DNER: variants seen among roughly 807,000 people sequenced by gnomAD.
DNER encodes delta and Notch-like epidermal growth factor-related receptor.
In DNER, 33 loss-of-function variants were observed where a neutral mutation model predicts 78.2. The ratio of observed to expected loss-of-function variants is 0.42; its 90% confidence interval spans 0.32 to 0.56. The LOEUF (loss-of-function observed/expected upper bound fraction) is 0.56. DNER is among the 20% of genes least tolerant of loss of function. The pLI is 0.11. For synonymous variants in DNER, 417 were observed against 384.8 expected (o/e 1.08, Z -0.98); for missense variants, 918 against 975.3 (o/e 0.94, Z 0.78).
At chr2:229,586,617 G>C in intron 3 of DNER, 1 of 974,450 alleles carries the variant, frequency 1.0e-6, no homozygotes, top group Non-Finnish European at 1.2e-6. Flanking sequence ...CCCAACCCCA[G>C]CTGCCCTCCT....
At chr2:229,504,730 C>T (rs1559151040) in intron 6 of DNER, among the ~76,000 whole-genome samples, 1 of 152,190 alleles carries the variant, frequency 6.6e-6, no homozygotes, top group African/African-American at 2.4e-5. Context: ...TTACTCAGCA[C>T]ACCACATAGT....
rs186442431 is a variant in DNER, at chr2:229,610,362, T to C, written c.277-18474A>G. ...GTTTCCTGGAAAGTAGTAAGTTCAC[T>C]TAGAAGAATGTTATTCAGAAAGCAA... On this transcript the variant is annotated intron_variant, in intron 1 of 12. Coordinates refer to ENST00000341772, the MANE Select transcript of DNER (RefSeq NM_139072.4). Among the ~76,000 whole-genome samples, 541 of 152,286 alleles carry C rather than the reference T, an allele frequency of 3.6e-3. 2 individuals are homozygous for C. The highest frequency in any genetic ancestry group is 3.2e-3 in the Non-Finnish European group (221 of 68,026).
At chr2:229,590,066 C>T (rs1188219614) in intron 2 of DNER, among the ~76,000 whole-genome samples, 2 of 150,238 alleles carry the variant, frequency 1.3e-5, no homozygotes, top group African/African-American at 4.9e-5. Flanking sequence ...TTCATTTAAA[C>T]GATGAAACCC....
intron 9 of DNER, among the ~76,000 whole-genome samples, chr2:229,416,536 C>A (rs1209605148): frequency 6.6e-6 from 1 of 152,186 alleles, no homozygotes; most frequent in African/African-American, 2.4e-5. Flanking sequence ...GGGGGGCCAG[C>A]TCAGCCTACT....
intron 1 of DNER, among the ~76,000 whole-genome samples, chr2:229,657,164 CA>C (rs2154216438): frequency 6.6e-6 from 1 of 151,624 alleles, no homozygotes; most frequent in Non-Finnish European, 1.5e-5. Flanking sequence ...CCCCACCCCT[CA>C]GAACCACTGT....
chr2:229,504,232 A>G (rs1695687700), intron 6 of DNER, among the ~76,000 whole-genome samples: 1 of 151,184 alleles, frequency 6.6e-6, no homozygotes. Flanking sequence ...TTACTTACTT[A>G]TTTTTGAGAC....
intron 10 of DNER, among the ~76,000 whole-genome samples, chr2:229,400,412 T>C (rs1336582742): frequency 6.6e-6 from 1 of 152,008 alleles, no homozygotes; most frequent in African/African-American, 2.4e-5. Flanking sequence ...TTTTTAATAC[T>C]ATTCTCCAAT....
At chr2:229,502,536 G>A (rs974490184) in intron 6 of DNER, among the ~76,000 whole-genome samples, 10 of 152,142 alleles carry the variant, frequency 6.6e-5, no homozygotes, top group African/African-American at 1.7e-4. Flanking sequence ...CTGGCAGCCC[G>A]GGGAGCTACA....
chr2:229,580,378 T>C (rs1371642121), intron 4 of DNER: 2 of 152,210 alleles, frequency 1.3e-5, no homozygotes, highest in African/African-American at 4.8e-5. Context: ...TAGGAGGTCA[T>C]ACATGAAATA....
At chr2:229,483,724 G>T (rs17620481) in intron 6 of DNER, among the ~76,000 whole-genome samples, 22,789 of 152,168 alleles carry the variant, frequency 0.15, 1,944 homozygotes, top group East Asian at 0.36. Flanking sequence ...CTGCAGGGCT[G>T]TTTCCTCTGA....
At chr2:229,474,519 A>G (rs550766109) in intron 7 of DNER, among the ~76,000 whole-genome samples, 24 of 152,132 alleles carry the variant, frequency 1.6e-4, no homozygotes, top group Non-Finnish European at 2.9e-4. Context: ...GGCAGCATGG[A>G]GGGGCTGGTG....
intron 1 of DNER, among the ~76,000 whole-genome samples, chr2:229,621,772 G>C (rs973693980): frequency 1.3e-5 from 2 of 152,256 alleles, no homozygotes; most frequent in African/African-American, 4.8e-5. Flanking sequence ...CTCCCAAGGG[G>C]TCTCAGAATC....
chr2:229,543,252 A>G (rs1696553229), intron 5 of DNER, among the ~76,000 whole-genome samples: 1 of 152,208 alleles, frequency 6.6e-6, no homozygotes, highest in African/African-American at 2.4e-5. Context: ...TGGATTCTTC[A>G]CCACGGCTTT....
At chr2:229,521,129 C>A (rs1351127992) in intron 5 of DNER, among the ~76,000 whole-genome samples, 3 of 152,222 alleles carry the variant, frequency 2.0e-5, no homozygotes, top group Non-Finnish European at 4.4e-5. Context: ...CTGGCAGCAT[C>A]AAGTTGAGTT....
chr2:229,376,928 T>C (rs1397925571), intron 11 of DNER, among the ~76,000 whole-genome samples: 2 of 152,188 alleles, frequency 1.3e-5, no homozygotes, highest in Non-Finnish European at 2.9e-5. Context: ...TATAATATAA[T>C]CATTTGATAC....
rs144165941 is a variant in DNER at position 229,617,587 on chromosome 2, A to G, written c.277-25699T>C. Among the ~76,000 whole-genome samples the G allele has an allele frequency of 1.3e-3, 204 of 152,348 alleles. 1 individual carries two copies. The highest frequency in any genetic ancestry group is 4.7e-3 in the African/African-American group (194 of 41,578). On this transcript the variant is annotated intron_variant, in intron 1 of 12. Transcript: ENST00000341772. ...ATATTTTTTGCTGATATTGTAAGTC[A>G]TTTATTTCCATACTTCATAAAGAAG...
chr2:229,405,190 A>G (rs1468749144), intron 10 of DNER, among the ~76,000 whole-genome samples: 1 of 152,174 alleles, frequency 6.6e-6, no homozygotes, highest in African/African-American at 2.4e-5. Context: ...CTATAAGTCT[A>G]AGATCTACAA....
chr2:229,419,969 G>C (rs1365612928), intron 8 of DNER, among the ~76,000 whole-genome samples: 1 of 148,870 alleles, frequency 6.7e-6, no homozygotes, highest in Non-Finnish European at 1.5e-5. Context: ...CAGTTCTACA[G>C]GAGGCTGCGC....
intron 6 of DNER, among the ~76,000 whole-genome samples, chr2:229,498,318 A>G (rs1039966237): frequency 6.6e-6 from 1 of 152,216 alleles, no homozygotes; most frequent in African/African-American, 2.4e-5. Context: ...CAAAGCTAAC[A>G]TCATACTCAG....
Sources: allele counts gnomAD v4.1 joint callset (sites outside exome capture counted in the v4.1 genomes callset), GRCh38; gene constraint gnomAD v4.1.1; transcripts MANE v1.5; gene names NCBI Gene and HGNC (gene_info 2026-07-23, HGNC 2026-07-21).